Variants in SYNRG observed in about 807,000 individuals in gnomAD.
SYNRG encodes synergin gamma.
Under a neutral mutation model 130.9 loss-of-function variants are expected in SYNRG, and 37 were observed. That is an observed-to-expected ratio of 0.28 (90% CI 0.22 to 0.37). The LOEUF (loss-of-function observed/expected upper bound fraction) is 0.37, where lower values mean the gene tolerates loss of function less well. Ranked by LOEUF, SYNRG falls within the 10% of genes least tolerant of loss-of-function variation. SYNRG has a pLI of 1.00. For missense variants in SYNRG, 1,338 were observed against 1,588.9 expected (o/e 0.84, Z 2.68); for synonymous variants, 539 against 568.1 (o/e 0.95, Z 0.73).
chr17:37,554,087 T>C (rs1477803587), intron 13 of SYNRG, 28 bp from the exon 14 acceptor site: 8 of 1,576,468 alleles, frequency 5.1e-6, no homozygotes, highest in South Asian at 4.7e-5. Context: ...ACCAAACAAA[T>C]GGGAATGCTG....
intron 16 of SYNRG, among the ~76,000 whole-genome samples, chr17:37,539,708 A>C (rs2057556565): frequency 6.6e-6 from 1 of 152,206 alleles, no homozygotes; most frequent in South Asian, 2.1e-4. Context: ...AACTATGTTA[A>C]ATTACTAATA....
intron 14 of SYNRG, among the ~76,000 whole-genome samples, chr17:37,551,088 A>G (rs982550648): frequency 6.6e-6 from 1 of 152,212 alleles, no homozygotes. Context: ...AAACAGGATT[A>G]AGGTCCGCAG....
chr17:37,580,510 T>TGAGA (rs71135748), intron 6 of SYNRG, among the ~76,000 whole-genome samples: 31 of 127,712 alleles, frequency 2.4e-4, no homozygotes, highest in African/African-American at 8.7e-4. Flanking sequence ...TGTGTGTGTG[T>TGAGA]GAGAGAGAGA....
intron 6 of SYNRG, 35 bp from the exon 7 acceptor site, chr17:37,577,648 A>G (rs1568457110): frequency 3.9e-6 from 6 of 1,533,936 alleles, no homozygotes; most frequent in Non-Finnish European, 5.4e-6. Context: ...TTTGTATATA[A>G]CTGTATATGT....
intron 1 of SYNRG, 134 bp from the exon 2 acceptor site, chr17:37,600,537 C>T: frequency 1.2e-6 from 1 of 849,326 alleles, no homozygotes; most frequent in East Asian, 2.6e-5. Flanking sequence ...ACTGAATTGC[C>T]CAACATCAGT....
At chr17:37,582,830 G>C (rs2061432146) in intron 6 of SYNRG, among the ~76,000 whole-genome samples, 1 of 151,966 alleles carries the variant, frequency 6.6e-6, no homozygotes, top group East Asian at 1.9e-4. Context: ...CACCGCACTA[G>C]GGCAATAGAA....
intron 1 of SYNRG, among the ~76,000 whole-genome samples, chr17:37,603,555 C>A (rs1216969630): frequency 6.6e-6 from 1 of 152,108 alleles, no homozygotes; most frequent in East Asian, 1.9e-4. Flanking sequence ...GAATGGATGC[C>A]GCTTTAGCAG....
intron 19 of SYNRG, among the ~76,000 whole-genome samples, chr17:37,529,109 A>C (rs1253899606): frequency 6.6e-6 from 1 of 152,198 alleles, no homozygotes; most frequent in Non-Finnish European, 1.5e-5. Flanking sequence ...GCATCTAGAC[A>C]CTGATGCTAG....
At chr17:37,576,512 G>A (rs1429622283) in intron 7 of SYNRG, 94 bp from the exon 8 acceptor site, 20 of 1,139,928 alleles carry the variant, frequency 1.8e-5, no homozygotes, top group Middle Eastern at 2.0e-4. Context: ...GCACTGGCTG[G>A]AGACACTAAA....
At chr17:37,558,859 C>A (rs1437685211) in intron 13 of SYNRG, among the ~76,000 whole-genome samples, 1 of 152,194 alleles carries the variant, frequency 6.6e-6, no homozygotes, top group Non-Finnish European at 1.5e-5. Context: ...GAGCTTTGAA[C>A]TGCTACTTGC....
At chr17:37,554,372 T>C (rs535886042) in intron 13 of SYNRG, among the ~76,000 whole-genome samples, 1 of 152,262 alleles carries the variant, frequency 6.6e-6, no homozygotes, top group Non-Finnish European at 1.5e-5. Flanking sequence ...CTCAAGACTT[T>C]TTGTTCCCAC....
Position 37,585,373 on chromosome 17 carries a change from A to C in SYNRG, c.429T>G (p.Phe143Leu). The C allele has an allele frequency of 6.2e-7, 1 of 1,614,022 alleles. No individual in the cohort carries two copies. The highest frequency in any genetic ancestry group is 8.5e-7 in the Non-Finnish European group (1 of 1,180,022). Reference protein sequence around the residue: ...LLEEERKRRQFEEQKQKLRLL... With the variant: ...LLEEERKRRQLEEQKQKLRLL... ...GTCTGAGCTTTTGCTTCTGCTCTTCAAACTGGCGTCTTTTTCTTTCTTCTT... is the reference window on the plus strand; with the variant it reads ...GTCTGAGCTTTTGCTTCTGCTCTTCCAACTGGCGTCTTTTTCTTTCTTCTT... Residue 143 changes from phenylalanine (F) to leucine (L), a missense_variant, in exon 5 of 22, where the codon TTT (phenylalanine) becomes TTG (leucine). Physicochemically the swap from Phe to Leu is conservative, Grantham distance 22. Around this residue, in one of 3 missense-constraint regions of SYNRG, gnomAD observed 184 missense variants for 217.2 expected, o/e 0.85. Transcript: ENST00000612223.
At chr17:37,591,161 A>T (rs1269374505) in intron 3 of SYNRG, among the ~76,000 whole-genome samples, 1 of 152,202 alleles carries the variant, frequency 6.6e-6, no homozygotes, top group Non-Finnish European at 1.5e-5. Flanking sequence ...TAAACAATCA[A>T]TTGTATTTCT....
intron 1 of SYNRG, chr17:37,606,034 A>G: frequency 3.1e-6 from 3 of 981,248 alleles, no homozygotes; most frequent in Non-Finnish European, 1.2e-6. Flanking sequence ...GTCCTTTAGC[A>G]AGACGCACCC....
At chr17:37,551,565 A>G (rs967280974) in intron 14 of SYNRG, among the ~76,000 whole-genome samples, 7 of 151,418 alleles carry the variant, frequency 4.6e-5, no homozygotes, top group African/African-American at 1.5e-4. Flanking sequence ...AAAATGGGGG[A>G]AAAAAAAAGA....
At chr17:37,590,986 A>G (rs1324734143) in intron 3 of SYNRG, among the ~76,000 whole-genome samples, 1 of 152,216 alleles carries the variant, frequency 6.6e-6, no homozygotes, top group Admixed American at 6.5e-5. Context: ...AGAGGAAGGA[A>G]AGTATTTTTC....
At chr17:37,562,665 C>G (rs2145713303) in intron 11 of SYNRG, among the ~76,000 whole-genome samples, 1 of 152,246 alleles carries the variant, frequency 6.6e-6, no homozygotes, top group African/African-American at 2.4e-5. Flanking sequence ...GGCTTAATGC[C>G]ATCAAATATT....
intron 1 of SYNRG, chr17:37,606,089 T>C: frequency 1.1e-6 from 1 of 899,120 alleles, no homozygotes; most frequent in Non-Finnish European, 1.3e-6. Context: ...CTGAATTTCC[T>C]TAGTTTAAAC....
At chr17:37,539,547 T>C (rs369788744) in intron 16 of SYNRG, among the ~76,000 whole-genome samples, 10 of 152,134 alleles carry the variant, frequency 6.6e-5, no homozygotes, top group Admixed American at 2.0e-4. Flanking sequence ...ATTTTTGTAT[T>C]TTTGGTAGAG....
Sources: allele counts gnomAD v4.1 joint callset (sites outside exome capture counted in the v4.1 genomes callset), GRCh38; gene constraint gnomAD v4.1.1; regional missense constraint gnomAD v4.1.1; transcripts MANE v1.5; gene names NCBI Gene and HGNC (gene_info 2026-07-23, HGNC 2026-07-21).